CPO: variants seen among roughly 807,000 people sequenced by gnomAD.
The protein encoded by CPO is metallocarboxypeptidase C.
A neutral mutation model predicts 41.2 loss-of-function variants in CPO; 43 were observed. The observed-to-expected ratio is 1.04, with a 90% CI of 0.82 to 1.35. The LOEUF (loss-of-function observed/expected upper bound fraction) is 1.35, where lower values mean the gene tolerates loss of function less well. CPO is among the 40% of genes most tolerant of loss of function. CPO has a pLI of 0.00. For synonymous variants in CPO, 178 were observed against 162.7 expected, an observed-to-expected ratio of 1.09 and a Z score of -0.72; for missense variants, 408 against 451.7, an observed-to-expected ratio of 0.90 and a Z score of 0.88.
chr2:206,957,612 G>A (rs949567154), intron 3 of CPO, among the ~76,000 whole-genome samples: 7 of 152,128 alleles, frequency 4.6e-5, no homozygotes, highest in Non-Finnish European at 1.0e-4. Flanking sequence ...AAACAGATGT[G>A]ACTGTTCCAA....
chr2:206,962,506 G>A lies in CPO; in HGVS notation c.669G>A (p.Glu223=). The change falls in exon 7 of 9, where the codon GAG becomes GAA. Residue 223 remains glutamate, a synonymous_variant. Coordinates refer to ENST00000272852, the MANE Select transcript of CPO (RefSeq NM_173077.3). ...PETKAVASFI[E]SKKDDILCFL... ...CTAAAGCTGTTGCCAGCTTCATAGA[G>A]AGCAAGAAGGATGATATTTTGTGCT... The A allele has an allele frequency of 6.2e-7, 1 of 1,614,132 alleles. No individual in the cohort carries two copies. Among genetic ancestry groups the A allele is most frequent in the Non-Finnish European group, 8.5e-7 (1 of 1,179,976 alleles).
chr2:206,962,465 G>C lies in CPO; in HGVS notation c.628G>C (p.Val210Leu). Residue 210 changes from valine (V) to leucine (L), a missense_variant, in exon 7 of 9, where the codon GTG (valine) becomes CTG (leucine). Val to Leu is a conservative substitution (Grantham distance 32). Transcript: ENST00000272852. Reference protein sequence around the residue: ...QDQTFCGTGPVSEPETKAVAS... With the variant: ...QDQTFCGTGPLSEPETKAVAS... ...TCAAACATTCTGTGGGACAGGGCCA[G>C]TGTCTGAACCAGAGACTAAAGCTGT... 6.2e-7 allele frequency: 1 copy of C among 1,614,194 alleles called. No homozygotes were observed. Among genetic ancestry groups the C allele is most frequent in the Non-Finnish European group, 8.5e-7 (1 of 1,180,016 alleles).
chr2:206,952,056 C>T (rs1242755980), intron 2 of CPO, among the ~76,000 whole-genome samples: 1 of 151,902 alleles, frequency 6.6e-6, no homozygotes, highest in Non-Finnish European at 1.5e-5. Flanking sequence ...CTAGCCCATG[C>T]TAAAATGAAT....
chr2:206,941,422 A>T (rs1055661057), intron 1 of CPO, among the ~76,000 whole-genome samples: 1 of 152,058 alleles, frequency 6.6e-6, no homozygotes, highest in Non-Finnish European at 1.5e-5. Context: ...CTAAAATGGT[A>T]ATTGTTATCT....
At chr2:206,965,005 C>T (rs534971511) in intron 7 of CPO, among the ~76,000 whole-genome samples, 146 of 152,236 alleles carry the variant, frequency 9.6e-4, no homozygotes, top group Non-Finnish European at 1.3e-3. Flanking sequence ...TGGTTAGAGC[C>T]CTGTGCTGTG....
At chr2:206,942,793 A>G (rs983977309) in intron 1 of CPO, among the ~76,000 whole-genome samples, 2 of 152,328 alleles carry the variant, frequency 1.3e-5, no homozygotes, top group East Asian at 3.9e-4. Context: ...GCCTAGAAAC[A>G]GAGAATAGCC....
chr2:206,949,583 C>G (rs368865930), intron 1 of CPO, 34 bp from the exon 2 acceptor site: 2 of 1,511,968 alleles, frequency 1.3e-6, no homozygotes, highest in African/African-American at 2.7e-5. Context: ...CCAGTTTCAC[C>G]ACTGCTTTTC....
intron 2 of CPO, among the ~76,000 whole-genome samples, chr2:206,953,701 G>A (rs1400803815): frequency 6.6e-6 from 1 of 152,206 alleles, no homozygotes. Context: ...GCCCCAGTGG[G>A]GACTCTAAGT....
chr2:206,961,349 C>T lies in CPO; in HGVS notation c.574+407C>T, dbSNP rs570363909. On this transcript the variant is annotated intron_variant, in intron 6 of 8. Coordinates refer to ENST00000272852, the MANE Select transcript of CPO (RefSeq NM_173077.3). ...ATGGCATTTTCATGTTTCCAAATCT[C>T]AATATGCCCAGTGAATTGGAAGCAA... is the stretch of plus-strand genomic sequence containing the variant. Among the ~76,000 whole-genome samples, 3 of 152,262 alleles carry T rather than the reference C, an allele frequency of 2.0e-5. No homozygotes were observed. In the South Asian group the frequency reaches 6.2e-4, roughly 32 times the overall value.
chr2:206,943,887 G>C (rs559418271), intron 1 of CPO, among the ~76,000 whole-genome samples: 16 of 152,206 alleles, frequency 1.1e-4, no homozygotes, highest in African/African-American at 3.6e-4. Context: ...GGCTATGCTT[G>C]AGTTTGGAAT....
rs1192483768 is a variant in CPO, at chr2:206,968,328, A to G, written c.843A>G (p.Gly281=). The part of the protein sequence containing the change: ...KAKYGTNYRV[G]SSADILYASS... ...AGTATGGAACCAATTATAGAGTTGG[A>G]TCGAGTGCAGATATTTTATGTAAGT... The change falls in exon 8 of 9, where the codon GGA becomes GGG. Residue 281 remains glycine, a synonymous_variant. Coordinates refer to ENST00000272852, the MANE Select transcript of CPO (RefSeq NM_173077.3). The G allele has an allele frequency of 6.2e-7, 1 of 1,607,122 alleles. No homozygotes were observed. The highest frequency in any genetic ancestry group is 8.5e-7 in the Non-Finnish European group (1 of 1,173,740).
At chr2:206,961,848 T>C (rs1693483847) in intron 6 of CPO, among the ~76,000 whole-genome samples, 2 of 151,724 alleles carry the variant, frequency 1.3e-5, no homozygotes, top group East Asian at 1.9e-4. Flanking sequence ...TCCCAGCACT[T>C]TGGGGAGGCC....
Position 206,949,680 on chromosome 2 carries a change from G to C in CPO, c.132G>C (p.Thr44=). The C allele has an allele frequency of 6.2e-7, 1 of 1,613,000 alleles. No homozygotes were observed. Among genetic ancestry groups the C allele is most frequent in the Non-Finnish European group, 8.5e-7 (1 of 1,179,132 alleles). ...CAGTGAGTCCATGGAGCCTGGAGAC[G>C]TATTCCTATAACATATACCACCCCA... ...DKSVSPWSLE[T]YSYNIYHPMG... Residue 44 remains threonine, a synonymous_variant, in exon 2 of 9, where the codon ACG becomes ACC. Coordinates refer to ENST00000272852, the MANE Select transcript of CPO (RefSeq NM_173077.3).
intron 3 of CPO, 55 bp downstream of exon 3, chr2:206,955,619 T>A (rs1164805316): frequency 1.0e-6 from 1 of 977,502 alleles, no homozygotes; most frequent in Non-Finnish European, 1.7e-6. Context: ...GGAGGATATG[T>A]GTTTACTATT....
In CPO at chr2:206,944,046, T is replaced by C. The variant is rs183483041; in HGVS notation, c.68+4379T>C. On this transcript the variant is annotated intron_variant, in intron 1 of 8. Coordinates refer to ENST00000272852, the MANE Select transcript of CPO (RefSeq NM_173077.3). ...TGTCTTATTGTCTTAAGTAGATTTT[T>C]AATTCTGCAAGAAATAAATCTTCTT... Among the ~76,000 whole-genome samples the C allele has an allele frequency of 1.5e-3, 223 of 152,232 alleles. 1 individual carries two copies. The highest frequency in any genetic ancestry group is 5.2e-3 in the African/African-American group (218 of 41,576).
intron 2 of CPO, among the ~76,000 whole-genome samples, chr2:206,954,365 G>A (rs1693320453): frequency 6.6e-6 from 1 of 151,254 alleles, no homozygotes; most frequent in Non-Finnish European, 1.5e-5. Context: ...AGATCTCTAG[G>A]GCAGGGACAA....
chr2:206,959,386 C>T (rs558099620), intron 4 of CPO, among the ~76,000 whole-genome samples: 134 of 152,124 alleles, frequency 8.8e-4, no homozygotes, highest in Non-Finnish European at 1.5e-3. Context: ...ACAGGGATGG[C>T]AGGAGGTGAA....
intron 6 of CPO, among the ~76,000 whole-genome samples, chr2:206,961,485 A>G (rs1037701203): frequency 1.3e-5 from 2 of 152,116 alleles, no homozygotes; most frequent in African/African-American, 2.4e-5. Context: ...TCTCTGCTTT[A>G]GTTTTCTTTT....
In CPO at chr2:206,968,304, G is replaced by T. The variant is rs896000260; in HGVS notation, c.819G>T (p.Lys273Asn). ...AGGCAGCAAATGCATTGAAAGCAAA[G>T]TATGGAACCAATTATAGAGTTGGAT... ...GQKAANALKA[K>N]YGTNYRVGSS... Residue 273 changes from lysine (K) to asparagine (N), a missense_variant, in exon 8 of 9, where the codon AAG (lysine) becomes AAT (asparagine). Transcript: ENST00000272852. 6 of 1,612,726 alleles carry T rather than the reference G, an allele frequency of 3.7e-6. No individual in the cohort carries two copies. In the African/African-American group the frequency reaches 8.0e-5, roughly 22 times the overall value.
Sources: gnomAD v4.1 joint callset for allele counts (sites outside exome capture counted in the v4.1 genomes callset) on GRCh38, gnomAD v4.1.1 for gene constraint, MANE v1.5 for transcripts, NCBI Gene and HGNC (gene_info 2026-07-23, HGNC 2026-07-21) for gene names.